ALG12: variants seen among roughly 807,000 people sequenced by gnomAD.
ALG12 encodes ALG12 alpha-1,6-mannosyltransferase, also known as dol-P-Man:Man(7)GlcNAc(2)-PP-Dol alpha-1,6-mannosyltransferase.
ALG12 carries 36 observed loss-of-function variants against 46.0 expected under a neutral mutation model. That is an observed-to-expected ratio of 0.78 (90% confidence interval 0.60 to 1.03). The LOEUF (loss-of-function observed/expected upper bound fraction) is 1.03. Among genes scored for constraint, ALG12 ranks in the 50% least tolerant of loss-of-function variants. The pLI, the probability that ALG12 is intolerant of heterozygous loss-of-function variation, is 0.00. For missense variants in ALG12, 599 were observed against 633.5 expected (o/e 0.95, Z 0.58); for synonymous variants, 326 against 291.6 (o/e 1.12, Z -1.20).
Position 49,904,057 on chromosome 22 carries a change from C to T in ALG12, c.1248G>A (p.Lys416=). The part of the protein sequence containing the change: ...LQVNSAWRYD[K]REDVQPGTGM... ...CTGTCCCCGGCTGCACATCCTCCCT[C>T]TTGTCGTACCTGTGGGATGAGAGCT... The change falls in exon 10 of 10, where the codon AAG becomes AAA. Residue 416 remains lysine, a synonymous_variant. Coordinates refer to ENST00000330817, the MANE Select transcript of ALG12 (RefSeq NM_024105.4). 6.2e-7 allele frequency: 1 copy of T among 1,614,186 alleles called. No individual in the cohort carries two copies. Among genetic ancestry groups the T allele is most frequent in the Non-Finnish European group, 8.5e-7 (1 of 1,180,018 alleles).
the ALG12 span, chr22:49,884,301 G>A: frequency 2.0e-5 from 33 of 1,613,248 alleles, no homozygotes; most frequent in Middle Eastern, 9.9e-4. Flanking sequence ...AGAAAGTGGC[G>A]TCTAAGATCC....
chr22:49,879,634 T>C, the ALG12 span, among the ~76,000 whole-genome samples: 1 of 129,978 alleles, frequency 7.7e-6, no homozygotes, highest in Non-Finnish European at 1.7e-5. Context: ...CTGGTCAGTG[T>C]CTGGGCGTGT....
downstream of ALG12, among the ~76,000 whole-genome samples, chr22:49,898,397 CTTTT>C: frequency 6.9e-6 from 1 of 145,882 alleles, no homozygotes; most frequent in South Asian, 2.2e-4. Flanking sequence ...TGATTTTTTT[CTTTT>C]TTTTTTTGAG....
chr22:49,893,494 G>A, the ALG12 span, among the ~76,000 whole-genome samples: 4 of 152,288 alleles, frequency 2.6e-5, no homozygotes, highest in African/African-American at 7.2e-5. Context: ...TTGGAATGGT[G>A]GAGTGGCTTT....
Position 49,909,279 on chromosome 22 carries a change from A to AC in ALG12, c.732dup (p.Tyr245ValfsTer90), listed in dbSNP as rs750868564. 1.2e-6 allele frequency: 2 copies of AC among 1,614,114 alleles called. No homozygotes were observed. The highest frequency in any genetic ancestry group is 2.7e-5 in the African/African-American group (2 of 74,938). On this transcript the variant is annotated frameshift_variant, in exon 6 of 10. Coordinates refer to ENST00000330817, the MANE Select transcript of ALG12 (RefSeq NM_024105.4). LOFTEE classifies it high-confidence loss of function. The stretch of plus-strand genomic sequence containing the variant: ...GAGCTTTTGTTCAGGACAGTGTTGT[A>AC]CCAAAGCACCTTTCCTTCCGGCCAA...
At chr22:49,871,606 C>A in the ALG12 span, among the ~76,000 whole-genome samples, 1 of 152,132 alleles carries the variant, frequency 6.6e-6, no homozygotes, top group Non-Finnish European at 1.5e-5. Context: ...TGCCAACAGT[C>A]ATCTGAGCCT....
chr22:49,891,667 A>G, the ALG12 span, among the ~76,000 whole-genome samples: 1 of 152,196 alleles, frequency 6.6e-6, no homozygotes, highest in Non-Finnish European at 1.5e-5. Flanking sequence ...CAGTTTTTGC[A>G]GAATTCATGT....
rs975400872 is a variant in ALG12, at chr22:49,905,732, C to T, written c.993-1226G>A. Among the ~76,000 whole-genome samples the T allele has an allele frequency of 1.3e-5, 2 of 152,248 alleles. No homozygotes were observed. Among genetic ancestry groups the T allele is most frequent in the Admixed American group, 1.3e-4 (2 of 15,280 alleles). ...CGGAACCGCGAGCCAATGAAGCCTC[C>T]TCTTTATAAATTATCCAGTCTCAGG... On this transcript the variant is annotated intron_variant, in intron 7 of 9. Transcript: ENST00000330817. The surrounding 1 kb of genome is among the most constrained non-coding windows in gnomAD (Gnocchi z 4.9).
At chr22:49,885,742 C>G in the ALG12 span, 2 of 1,603,558 alleles carry the variant, frequency 1.2e-6, no homozygotes, top group Non-Finnish European at 1.7e-6. Context: ...TCAGTACTCC[C>G]TCCCCGCCCC....
the ALG12 span, among the ~76,000 whole-genome samples, chr22:49,872,373 A>G: frequency 1.3e-5 from 2 of 152,266 alleles, no homozygotes; most frequent in South Asian, 4.2e-4. Flanking sequence ...GGTTCTGTGT[A>G]TAATTCTAGT....
the ALG12 span, chr22:49,887,256 T>G: frequency 6.9e-7 from 1 of 1,452,802 alleles, no homozygotes; most frequent in African/African-American, 1.4e-5. Flanking sequence ...TGACCCGCTC[T>G]GCCCACGGCT....
the ALG12 span, among the ~76,000 whole-genome samples, chr22:49,865,965 A>C: frequency 7.0e-6 from 1 of 143,306 alleles, no homozygotes; most frequent in Admixed American, 7.1e-5. Context: ...TCCCGCCTCC[A>C]CCTCCCGATG....
At chr22:49,915,506 G>A (rs112580757) in intron 1 of ALG12, among the ~76,000 whole-genome samples, 4 of 151,774 alleles carry the variant, frequency 2.6e-5, no homozygotes, top group African/African-American at 4.8e-5. Flanking sequence ...GCAGTGAGCC[G>A]AGATCACACC....
At chr22:49,870,857 G>A in the ALG12 span, among the ~76,000 whole-genome samples, 2 of 151,438 alleles carry the variant, frequency 1.3e-5, no homozygotes, top group Non-Finnish European at 2.9e-5. Context: ...TTTTGTTTCT[G>A]TTACAATCCA....
the ALG12 span, chr22:49,884,344 T>C: frequency 6.2e-7 from 1 of 1,613,344 alleles, no homozygotes; most frequent in Admixed American, 1.7e-5. Context: ...GGAGTCTGTG[T>C]CTGTAGTTTC....
the ALG12 span, chr22:49,885,452 C>T: frequency 1.9e-6 from 3 of 1,611,576 alleles, no homozygotes; most frequent in Non-Finnish European, 2.5e-6. Context: ...AACTTGGGTA[C>T]CAGCTGTCTT....
At chr22:49,862,345 G>C in the ALG12 span, among the ~76,000 whole-genome samples, 9 of 152,336 alleles carry the variant, frequency 5.9e-5, no homozygotes, top group African/African-American at 1.9e-4. Flanking sequence ...CTGTGCTCAA[G>C]TCTCTCACCG....
intron 7 of ALG12, among the ~76,000 whole-genome samples, chr22:49,904,892 A>G (rs2060534663): frequency 6.6e-6 from 1 of 152,124 alleles, no homozygotes; most frequent in Non-Finnish European, 1.5e-5. Context: ...GGTGCACGCC[A>G]CCATGCCCAT....
In ALG12 at chr22:49,903,788, G is replaced by A. The variant is rs577035414; in HGVS notation, c.*50C>T. The A allele has an allele frequency of 5.7e-6, 9 of 1,584,754 alleles. No homozygotes were observed. The highest frequency in any genetic ancestry group is 1.1e-5 in the South Asian group (1 of 90,468). On this transcript the variant is annotated 3_prime_UTR_variant, in exon 10 of 10. Transcript: ENST00000330817. ...TGGAATTGTGCCAGAAACTGGTAGT[G>A]ATAACAGCTCCTGGAAGGCCTGTGG...
Sources: gnomAD v4.1 joint callset for allele counts (sites outside exome capture counted in the v4.1 genomes callset) on GRCh38, gnomAD v4.1.1 for gene constraint, Gnocchi (gnomAD v3.1) non-coding constraint, MANE v1.5 for transcripts, NCBI Gene and HGNC (gene_info 2026-07-23, HGNC 2026-07-21) for gene names.